GGA3: variants seen among roughly 807,000 people sequenced by gnomAD.
The protein encoded by GGA3 is golgi associated, gamma adaptin ear containing, ARF binding protein 3.
Under a neutral mutation model 77.5 loss-of-function variants are expected in GGA3, and 57 were observed. The observed-to-expected ratio is 0.74, with a 90% CI of 0.59 to 0.92. GGA3 has a LOEUF of 0.92. Ranked by LOEUF, GGA3 falls within the 40% of genes least tolerant of loss-of-function variation. The probability of loss-of-function intolerance (pLI) is 0.00; values close to 1 mark genes in which losing one functional copy is unlikely to be tolerated. For synonymous variants in GGA3, 416 were observed against 383.7 expected, an observed-to-expected ratio of 1.08 and a Z score of -0.98; for missense variants, 970 against 914.9, an observed-to-expected ratio of 1.06 and a Z score of -0.78.
chr17:75,254,174 G>A lies in GGA3; in HGVS notation c.40+7374C>T, dbSNP rs116234025. On this transcript the variant is annotated intron_variant, in intron 1 of 16. Transcript: ENST00000537686. ...CTCAGTCCCAACCCCAAGTGTCGCT[G>A]GGTCTTTCCAGTCTTTTCTACAGAC... is the stretch of plus-strand genomic sequence containing the variant. 4.4e-3 allele frequency among the ~76,000 whole-genome samples: 670 copies of A among 152,066 alleles called. 7 individuals carry two copies. Among genetic ancestry groups the A allele is most frequent in the African/African-American group, 0.015 (637 of 41,446 alleles).
At chr17:75,258,279 T>C (rs2077224931) in intron 1 of GGA3, among the ~76,000 whole-genome samples, 1 of 152,140 alleles carries the variant, frequency 6.6e-6, no homozygotes, top group African/African-American at 2.4e-5. Flanking sequence ...CGGACGCGCA[T>C]GAAACCTATA....
chr17:75,260,432 T>C (rs1481973564), intron 1 of GGA3, among the ~76,000 whole-genome samples: 1 of 152,220 alleles, frequency 6.6e-6, no homozygotes, highest in African/African-American at 2.4e-5. Context: ...CACTTCCATA[T>C]ATAAAGAAGC....
chr17:75,241,226 A>G (rs2242228), intron 10 of GGA3, among the ~76,000 whole-genome samples, 169 bp from the exon 11 acceptor site: 17,728 of 152,100 alleles, frequency 0.12, 2,980 homozygotes, highest in African/African-American at 0.36. Context: ...AGGTGGGGAA[A>G]TTCCTACCCA....
chr17:75,259,296 C>T (rs182284188), intron 1 of GGA3, among the ~76,000 whole-genome samples: 1 of 152,060 alleles, frequency 6.6e-6, no homozygotes, highest in East Asian at 1.9e-4. Context: ...CTTAAACTTC[C>T]TAACTCCTAT....
At chr17:75,262,003 CGG>C (rs1491198105), upstream of GGA3, 1,304 of 1,450,592 alleles carry the variant, frequency 9.0e-4, 13 homozygotes, top group African/African-American at 0.027. Context: ...TGGCGAGCAG[CGG>C]CGGGGGGGCG....
intron 14 of GGA3, 104 bp downstream of exon 14, chr17:75,239,271 G>T: frequency 9.0e-7 from 1 of 1,106,230 alleles, no homozygotes; most frequent in Non-Finnish European, 1.3e-6. Flanking sequence ...CTGGCTTTAA[G>T]GGACCCCCTG....
intron 1 of GGA3, among the ~76,000 whole-genome samples, chr17:75,247,325 C>T (rs562772929): frequency 5.3e-5 from 8 of 151,716 alleles, no homozygotes; most frequent in Admixed American, 1.3e-4. Flanking sequence ...TACAGTGGCA[C>T]GATCTCGGCT....
chr17:75,243,513 T>TG lies in GGA3; in HGVS notation c.357dup (p.Ser120GlnfsTer28). ...TCTTCTGGCAGGGCCATGGTCCAGC[T>TG]GTACAGCAGCTCAATAACCTTGGTC... On this transcript the variant is annotated frameshift_variant, in exon 5 of 17. Transcript: ENST00000537686. LOFTEE classifies it high-confidence loss of function. 6.2e-7 allele frequency: 1 copy of TG among 1,614,184 alleles called. No individual in the cohort carries two copies. Among genetic ancestry groups the TG allele is most frequent in the Non-Finnish European group, 8.5e-7 (1 of 1,180,004 alleles).
rs993267412 is a variant in GGA3 at position 75,240,275 on chromosome 17, G to C, written c.1263+67C>G. The C allele has an allele frequency of 4.0e-6, 5 of 1,239,988 alleles. No individual in the cohort carries two copies. The Admixed American group carries it at 6.1e-5, about 15-fold the overall frequency. The allele number at this position is 1,239,988 out of a possible 1,614,324, so 76.8% of individuals were successfully genotyped here. A position where few individuals can be genotyped will look rare whatever the true frequency, so the allele number is the denominator to read the frequency against. ...GGGAAGGACAGCTAACTGCAGCCCA[G>C]GAGACATGACGCTGGAAAGTGGAGG... is the stretch of plus-strand genomic sequence containing the variant. On this transcript the variant is annotated intron_variant, in intron 12 of 16. Transcript: ENST00000537686.
At chr17:75,251,487 C>T (rs887463041) in intron 1 of GGA3, among the ~76,000 whole-genome samples, 5 of 151,946 alleles carry the variant, frequency 3.3e-5, no homozygotes, top group East Asian at 1.9e-4. Flanking sequence ...GTGGGTGGAT[C>T]GCGAGGTCAG....
In GGA3 at chr17:75,238,976, ACAC is replaced by A. The variant is rs1292564144; in HGVS notation, c.1885_1887del (p.Val629del). The A allele has an allele frequency of 1.2e-6, 2 of 1,613,818 alleles. No homozygotes were observed. Among genetic ancestry groups the A allele is most frequent in the South Asian group, 1.1e-5 (1 of 91,082 alleles). Reference sequence around the variant, plus strand: ...GGTAAGGGAGCCGTGTTCAGCATGGACACCACCACCACCAGCACGTCAGGTCGT... The same window carrying A: ...GGTAAGGGAGCCGTGTTCAGCATGGACACCACCACCAGCACGTCAGGTCGT... On this transcript the variant is annotated inframe_deletion, in exon 15 of 17. Transcript: ENST00000537686.
chr17:75,247,682 C>G (rs1442657144), intron 1 of GGA3, among the ~76,000 whole-genome samples: 1 of 152,210 alleles, frequency 6.6e-6, no homozygotes, highest in Non-Finnish European at 1.5e-5. Context: ...TACTTAGCCC[C>G]TACTAAGCCC....
At chr17:75,245,830 CT>C (rs1446171216) in intron 3 of GGA3, among the ~76,000 whole-genome samples, 1 of 152,216 alleles carries the variant, frequency 6.6e-6, no homozygotes, top group Non-Finnish European at 1.5e-5. Context: ...CTGAGAATCA[CT>C]GTTTTAAGGA....
At position 75,256,876 on chromosome 17, in the gene GGA3, CCT is replaced by C. The variant is rs1333968699; in HGVS notation, c.40+4670_40+4671del. On this transcript the variant is annotated intron_variant, in intron 1 of 16. Transcript: ENST00000537686. ...TTTCACTAGGTAAGTAGAGGCCTTT[CCT>C]ACAGGGTCTGAGAAGGCCACCGCAG... 9.2e-5 allele frequency among the ~76,000 whole-genome samples: 14 copies of C among 152,232 alleles called. No individual in the cohort carries two copies. The South Asian group carries it at 2.9e-3, about 32-fold the overall frequency.
intron 3 of GGA3, 135 bp downstream of exon 3, chr17:75,246,374 G>A (rs1304409931): frequency 6.2e-6 from 4 of 643,828 alleles, no homozygotes; most frequent in African/African-American, 3.6e-5. Context: ...GAACAGATTC[G>A]AGATCTATCT....
intron 1 of GGA3, among the ~76,000 whole-genome samples, chr17:75,255,152 A>G (rs1267403504): frequency 2.0e-5 from 3 of 151,994 alleles, no homozygotes; most frequent in African/African-American, 7.3e-5. Flanking sequence ...ATCAATACGG[A>G]GGCTACCCAC....
rs771609574 is a variant in GGA3 at position 75,240,821 on chromosome 17, G to A, written c.1183C>T (p.Leu395Phe). The A allele has an allele frequency of 1.2e-6, 2 of 1,611,290 alleles. No individual in the cohort carries two copies. The highest frequency in any genetic ancestry group is 1.7e-6 in the Non-Finnish European group (2 of 1,179,508). Residue 395 changes from leucine (L) to phenylalanine (F), a missense_variant, in exon 11 of 17, where the codon CTC (leucine) becomes TTC (phenylalanine). Physicochemically the swap from Leu to Phe is conservative, Grantham distance 22. Coordinates refer to ENST00000537686, the MANE Select transcript of GGA3 (RefSeq NM_138619.4). Reference protein sequence around the residue: ...NALSWLDEELLCLGLADPAPN... With the variant: ...NALSWLDEELFCLGLADPAPN... ...CCCCTGTGGGCCGCACCCAAGCAGAGTAGCTCCTCGTCCAGCCAGGAGAGG... is the reference window on the plus strand; with the variant it reads ...CCCCTGTGGGCCGCACCCAAGCAGAATAGCTCCTCGTCCAGCCAGGAGAGG...
At chr17:75,243,621 G>T in intron 4 of GGA3, 51 bp from the exon 5 acceptor site, 2 of 1,587,860 alleles carry the variant, frequency 1.3e-6, no homozygotes, top group Middle Eastern at 1.7e-4. Context: ...CGGAGGCAGA[G>T]AAAGTGTAAG....
intron 1 of GGA3, among the ~76,000 whole-genome samples, chr17:75,256,576 C>T (rs143521115): frequency 3.3e-4 from 50 of 152,224 alleles, no homozygotes; most frequent in East Asian, 1.4e-3. Context: ...CAGGCCTAAT[C>T]GCCACACAGC....
Sources: gnomAD v4.1 joint callset for allele counts (sites outside exome capture counted in the v4.1 genomes callset) on GRCh38, gnomAD v4.1.1 for gene constraint, MANE v1.5 for transcripts, NCBI Gene and HGNC (gene_info 2026-07-23, HGNC 2026-07-21) for gene names.